The following ADARB2 variants were observed in gnomAD, a reference collection of about 807,000 sequenced individuals.
ADARB2 encodes the protein inactive double-stranded RNA-specific editase B2.
Under a neutral mutation model 62.2 loss-of-function variants are expected in ADARB2, and 25 were observed. The ratio of observed to expected loss-of-function variants is 0.40; its 90% CI spans 0.29 to 0.56. The LOEUF is 0.56. Among genes scored for constraint, ADARB2 ranks in the 20% least tolerant of loss-of-function variants. The pLI, the probability that ADARB2 is intolerant of heterozygous loss-of-function variation, is 0.43. For synonymous variants in ADARB2, 572 were observed against 500.8 expected, an observed-to-expected ratio of 1.14 and a Z score of -1.90; for missense variants, 1,071 against 1,077.4, an observed-to-expected ratio of 0.99 and a Z score of 0.08.
At chr10:1,444,432 A>ACCCAC in intron 1 of ADARB2, among the ~76,000 whole-genome samples, 1 of 150,272 alleles carries the variant, frequency 6.7e-6, no homozygotes, top group East Asian at 2.0e-4. Context: ...CCATCCACCC[A>ACCCAC]CCCATCCATC....
At position 1,363,073 on chromosome 10, in the gene ADARB2, C is replaced by A; in HGVS notation, c.1032G>T (p.Met344Ile). The change falls in exon 3 of 10, where the codon ATG becomes ATT. Residue 344 changes from methionine to isoleucine, a missense_variant. Transcript: ENST00000381312. ...AALQELFDIQ[M>I]PGHAPGRARR... Reference sequence around the variant, plus strand: ...TGGCCCTGCCGGGCGCGTGGCCGGGCATCTGGATGTCGAACAGCTCCTGCA... The same window carrying A: ...TGGCCCTGCCGGGCGCGTGGCCGGGAATCTGGATGTCGAACAGCTCCTGCA... The A allele has an allele frequency of 4.8e-6, 7 of 1,464,228 alleles. No homozygotes were observed. The highest frequency in any genetic ancestry group is 2.4e-5 in the Admixed American group (1 of 41,516). The allele number at this position is 1,464,228 out of a possible 1,614,324, so 90.7% of individuals were successfully genotyped here.
intron 1 of ADARB2, among the ~76,000 whole-genome samples, chr10:1,480,629 C>T (rs935658576): frequency 4.6e-4 from 69 of 149,476 alleles, no homozygotes; most frequent in Admixed American, 2.2e-3. Context: ...ACCTGGGAGG[C>T]GGAGCTTGCA....
intron 1 of ADARB2, among the ~76,000 whole-genome samples, chr10:1,494,636 C>T (rs1327811325): frequency 1.3e-5 from 2 of 152,114 alleles, no homozygotes; most frequent in African/African-American, 4.8e-5. Context: ...TGAAGTATGG[C>T]AAACTTACTA....
intron 1 of ADARB2, among the ~76,000 whole-genome samples, chr10:1,620,068 A>C (rs2132026399): frequency 6.6e-6 from 1 of 152,288 alleles, no homozygotes; most frequent in Admixed American, 6.5e-5. Flanking sequence ...TTATAGCTTT[A>C]AACACCTATA....
At chr10:1,395,521 G>T (rs1832604036) in intron 1 of ADARB2, among the ~76,000 whole-genome samples, 1 of 152,196 alleles carries the variant, frequency 6.6e-6, no homozygotes, top group South Asian at 2.1e-4. Flanking sequence ...AGCCCAGGGG[G>T]CAGTGATGGG....
At chr10:1,267,447 T>C (rs1330896206) in intron 4 of ADARB2, among the ~76,000 whole-genome samples, 1 of 152,208 alleles carries the variant, frequency 6.6e-6, no homozygotes, top group Non-Finnish European at 1.5e-5. Flanking sequence ...ATTCCGGAGA[T>C]GGTGTCCCAC....
intron 1 of ADARB2, among the ~76,000 whole-genome samples, chr10:1,660,784 C>A (rs1834236749): frequency 6.6e-6 from 1 of 152,184 alleles, no homozygotes; most frequent in Non-Finnish European, 1.5e-5. Flanking sequence ...ATACGTCTGG[C>A]CTTGCCTTCA....
intron 1 of ADARB2, among the ~76,000 whole-genome samples, chr10:1,439,999 C>T (rs1451967493): frequency 1.3e-5 from 2 of 150,452 alleles, no homozygotes; most frequent in Admixed American, 1.3e-4. Context: ...TCCTGAGTCT[C>T]CCCCAGGACT....
rs191281516 is a variant in ADARB2 at position 1,514,594 on chromosome 10, C to T, written c.101-135434G>A. Reference sequence around the variant, plus strand: ...AGATCTGGGATGTCCTGCACAGCGGCCCCTGGCCTCCTATGGCCTTGGAGT... The same window carrying T: ...AGATCTGGGATGTCCTGCACAGCGGTCCCTGGCCTCCTATGGCCTTGGAGT... On this transcript the variant is annotated intron_variant, in intron 1 of 9. Coordinates refer to ENST00000381312, the MANE Select transcript of ADARB2 (RefSeq NM_018702.4). Among the ~76,000 whole-genome samples the T allele has an allele frequency of 2.9e-3, 447 of 152,202 alleles. 1 individual carries two copies. Among genetic ancestry groups the T allele is most frequent in the African/African-American group, 0.01 (427 of 41,536 alleles).
chr10:1,179,246 C>G lies in ADARB2; in HGVS notation c.*3947G>C, dbSNP rs1290752222. 5 of 151,774 alleles carry G rather than the reference C, an allele frequency of 3.3e-5. No individual in the cohort carries two copies. The highest frequency in any genetic ancestry group is 7.4e-5 in the Non-Finnish European group (5 of 68,002). The allele number at this position is 151,774 out of a possible 1,614,324, so 9.4% of individuals were successfully genotyped here. ...CATGCGACTTTGTTGATAAGAAAAG[C>G]TCCCTGTGAAAACAAAATGAGATGG... On this transcript the variant is annotated 3_prime_UTR_variant, in exon 10 of 10. Transcript: ENST00000381312.
intron 4 of ADARB2, among the ~76,000 whole-genome samples, chr10:1,256,542 C>T (rs1016918503): frequency 3.0e-4 from 45 of 152,262 alleles, no homozygotes; most frequent in African/African-American, 1.0e-3. Flanking sequence ...TTCCTGCAGC[C>T]AGTGGCATTC....
At chr10:1,677,635 G>A (rs1022179700) in intron 1 of ADARB2, among the ~76,000 whole-genome samples, 15 of 152,174 alleles carry the variant, frequency 9.9e-5, no homozygotes, top group Admixed American at 3.9e-4. Flanking sequence ...GCTCAAGAAG[G>A]CGGCTGTCTA....
chr10:1,476,294 G>T (rs1250765573), intron 1 of ADARB2, among the ~76,000 whole-genome samples: 1 of 152,110 alleles, frequency 6.6e-6, no homozygotes, highest in Admixed American at 6.5e-5. Flanking sequence ...TCGAGGTCCA[G>T]CCCAGGGTGC....
intron 1 of ADARB2, among the ~76,000 whole-genome samples, chr10:1,648,290 G>C (rs34997713): frequency 0.47 from 71,027 of 151,856 alleles, 16,811 homozygotes; most frequent in South Asian, 0.53. Context: ...GATTTATCTC[G>C]AACCCTTTCA....
At chr10:1,657,641 A>T (rs1165597171) in intron 1 of ADARB2, among the ~76,000 whole-genome samples, 1 of 152,210 alleles carries the variant, frequency 6.6e-6, no homozygotes, top group African/African-American at 2.4e-5. Flanking sequence ...ACCAAGTAAC[A>T]GACCTCAGAA....
chr10:1,544,012 AACAAAC>A (rs796543835), intron 1 of ADARB2, among the ~76,000 whole-genome samples: 1 of 22,598 alleles, frequency 4.4e-5, no homozygotes, highest in Admixed American at 6.8e-4. Flanking sequence ...AAAAAAAAAA[AACAAAC>A]AAAAAAAAAA....
chr10:1,635,818 C>G (rs1266977411), intron 1 of ADARB2, among the ~76,000 whole-genome samples: 11 of 152,196 alleles, frequency 7.2e-5, no homozygotes, highest in Non-Finnish European at 1.0e-4. Context: ...TCTCTGGACA[C>G]CTCCTCACTC....
rs1420366727 is a variant in ADARB2 at position 1,398,060 on chromosome 10, C to T, written c.101-18900G>A. ...GGGTCACCGTCCTCCTCTCCCCTCC[C>T]GAGTGCAGGCTTCCTGGGTCACCGC... On this transcript the variant is annotated intron_variant, in intron 1 of 9. Coordinates refer to ENST00000381312, the MANE Select transcript of ADARB2 (RefSeq NM_018702.4). The surrounding 1 kb of genome is among the most constrained non-coding windows in gnomAD (Gnocchi z 4.1). Among the ~76,000 whole-genome samples, 2 of 143,912 alleles carry T rather than the reference C, an allele frequency of 1.4e-5. No homozygotes were observed. The highest frequency in any genetic ancestry group is 3.0e-5 in the Non-Finnish European group (2 of 65,816). The allele number at this position is 143,912 out of a possible 152,430, so 94.4% of individuals were successfully genotyped here.
At chr10:1,266,511 T>TGGGGGGG (rs782182369) in intron 4 of ADARB2, among the ~76,000 whole-genome samples, 130 of 128,412 alleles carry the variant, frequency 1.0e-3, no homozygotes, top group South Asian at 1.5e-3. Flanking sequence ...TGGTGGGGGG[T>TGGGGGGG]GGGGGGGGGG....
Sources: gnomAD v4.1 joint callset for allele counts (sites outside exome capture counted in the v4.1 genomes callset) on GRCh38, gnomAD v4.1.1 for gene constraint, Gnocchi (gnomAD v3.1) non-coding constraint, MANE v1.5 for transcripts, NCBI Gene and HGNC (gene_info 2026-07-23, HGNC 2026-07-21) for gene names.